The following GREB1L variants were observed in gnomAD, a reference collection of about 807,000 sequenced individuals.
GREB1L encodes the protein GREB1 like retinoic acid receptor coactivator, also known as GREB1-like protein.
In GREB1L, 17 loss-of-function variants were observed where a neutral mutation model predicts 200.8. That is an observed-to-expected ratio of 0.08 (90% CI 0.06 to 0.13). GREB1L has a LOEUF of 0.13. Among genes scored for constraint, GREB1L ranks in the 10% least tolerant of loss-of-function variants. GREB1L has a pLI of 1.00. For missense variants in GREB1L, 1,657 were observed against 2,367.7 expected (o/e 0.70, Z 6.23); for synonymous variants, 789 against 893.0 (o/e 0.88, Z 2.08).
At chr18:21,485,008 C>CTTCTTGAGAAGGATAAGCA (rs2036074425) in intron 17 of GREB1L, among the ~76,000 whole-genome samples, 2 of 152,136 alleles carry the variant, frequency 1.3e-5, no homozygotes, top group Non-Finnish European at 2.9e-5. Context: ...CAACTTGTCA[C>CTTCTTGAGAAGGATAAGCA]ACTTCTCAAG....
intron 1 of GREB1L, among the ~76,000 whole-genome samples, chr18:21,339,518 G>A (rs2039237157): frequency 6.6e-6 from 1 of 152,282 alleles, no homozygotes; most frequent in Middle Eastern, 3.4e-3. Context: ...AGCCTGAAAA[G>A]CATATGATAG....
At chr18:21,340,964 C>T (rs2039261568) in intron 1 of GREB1L, among the ~76,000 whole-genome samples, 1 of 152,198 alleles carries the variant, frequency 6.6e-6, no homozygotes, top group African/African-American at 2.4e-5. Context: ...CTAATACATG[C>T]AACGTACTTC....
In GREB1L at chr18:21,500,615, G is replaced by C; in HGVS notation, c.4045G>C (p.Val1349Leu). 3 of 1,550,826 alleles carry C rather than the reference G, an allele frequency of 1.9e-6. No homozygotes were observed. The highest frequency in any genetic ancestry group is 2.6e-6 in the Non-Finnish European group (3 of 1,146,692). ...RMLIRLLEVD[V>L]YDEEEINTDH... ...GCTCATCAGGCTCCTGGAGGTGGACGTGTATGATGAGGAGGAGATCAACAC... is the reference window on the plus strand; with the variant it reads ...GCTCATCAGGCTCCTGGAGGTGGACCTGTATGATGAGGAGGAGATCAACAC... The change falls in exon 23 of 33, where the codon GTG becomes CTG. Residue 1349 changes from valine (V) to leucine (L), a missense_variant. This residue lies in a region of GREB1L where 512 missense variants were observed against 668.3 expected (regional missense o/e 0.77). Transcript: ENST00000424526.
intron 7 of GREB1L, among the ~76,000 whole-genome samples, chr18:21,423,025 G>T (rs1272379875): frequency 1.3e-5 from 2 of 152,056 alleles, no homozygotes; most frequent in African/African-American, 4.8e-5. Flanking sequence ...CCACCTCCTG[G>T]GTTCAAGCAA....
intron 1 of GREB1L, among the ~76,000 whole-genome samples, chr18:21,257,027 A>G (rs2037809926): frequency 6.8e-6 from 1 of 146,192 alleles, no homozygotes; most frequent in South Asian, 2.2e-4. Flanking sequence ...AAAAAAAAAG[A>G]CTCTCAGGAA....
chr18:21,408,423 C>T (rs1019375472), intron 7 of GREB1L, among the ~76,000 whole-genome samples: 5 of 152,142 alleles, frequency 3.3e-5, no homozygotes, highest in African/African-American at 7.2e-5. Context: ...ATAGACATTT[C>T]TTCAAATAAT....
chr18:21,296,365 T>A (rs2038527480), intron 1 of GREB1L, among the ~76,000 whole-genome samples: 1 of 152,084 alleles, frequency 6.6e-6, no homozygotes, highest in Non-Finnish European at 1.5e-5. Flanking sequence ...CATTTATAAA[T>A]GGGAGGTGGA....
At chr18:21,376,454 A>T (rs937616908) in intron 2 of GREB1L, among the ~76,000 whole-genome samples, 1 of 151,382 alleles carries the variant, frequency 6.6e-6, no homozygotes, top group Admixed American at 6.6e-5. Flanking sequence ...AAAAACAAAG[A>T]ACTGAGGGGC....
At chr18:21,252,501 G>A (rs1387091048) in intron 1 of GREB1L, among the ~76,000 whole-genome samples, 2 of 149,354 alleles carry the variant, frequency 1.3e-5, no homozygotes, top group African/African-American at 5.0e-5. Flanking sequence ...AGGTTGCGGT[G>A]AGCCGAGATC....
chr18:21,341,659 C>T (rs2039271957), intron 1 of GREB1L, among the ~76,000 whole-genome samples: 2 of 152,258 alleles, frequency 1.3e-5, no homozygotes, highest in African/African-American at 4.8e-5. Context: ...AGGTGTGAGC[C>T]ACCACACCTG....
At chr18:21,462,875 T>G (rs2035102993) in intron 15 of GREB1L, among the ~76,000 whole-genome samples, 2 of 152,314 alleles carry the variant, frequency 1.3e-5, no homozygotes, top group South Asian at 4.1e-4. Flanking sequence ...AACTTAAAAT[T>G]TAATACAAAC....
intron 23 of GREB1L, among the ~76,000 whole-genome samples, chr18:21,503,974 C>T (rs2036910083): frequency 6.6e-6 from 1 of 152,068 alleles, no homozygotes; most frequent in Non-Finnish European, 1.5e-5. Flanking sequence ...TAGACTCTTA[C>T]TCTGTCACAC....
chr18:21,491,216 T>G (rs2036320909), intron 19 of GREB1L, among the ~76,000 whole-genome samples: 1 of 152,216 alleles, frequency 6.6e-6, no homozygotes, highest in African/African-American at 2.4e-5. Context: ...CCAACTTGTT[T>G]CTGCGCCCTA....
At position 21,493,912 on chromosome 18, in the gene GREB1L, A is replaced by G. The variant is rs545430262; in HGVS notation, c.3031-1758A>G. On this transcript the variant is annotated intron_variant, in intron 19 of 32. Coordinates refer to ENST00000424526, the MANE Select transcript of GREB1L (RefSeq NM_001142966.3). ...AAAAAAAGTCCTCATACAGTAAAAC[A>G]TTTTAACTCTTATTCCATCAATATA... Among the ~76,000 whole-genome samples the G allele has an allele frequency of 2.1e-3, 312 of 150,912 alleles. 3 individuals are homozygous for G. The highest frequency in any genetic ancestry group is 2.8e-3 in the Non-Finnish European group (188 of 67,782).
chr18:21,485,694 G>A lies in GREB1L; in HGVS notation c.2631G>A (p.Thr877=), dbSNP rs960820295. 3.7e-5 allele frequency: 58 copies of A among 1,551,266 alleles called. No homozygotes were observed. The highest frequency in any genetic ancestry group is 2.5e-4 in the South Asian group (21 of 84,048). ...EYSKSLQWGI[T]SPLLRCDETF... is the part of the protein sequence containing the mutation. ...GCAAGTCTCTGCAGTGGGGGATCAC[G>A]AGCCCACTTCTGAGATGTGACGAGA... Residue 877 remains threonine (T), a synonymous_variant, in exon 18 of 33, where the codon ACG becomes ACA. Coordinates refer to ENST00000424526, the MANE Select transcript of GREB1L (RefSeq NM_001142966.3).
chr18:21,490,450 A>G, intron 19 of GREB1L, 99 bp downstream of exon 19: 1 of 923,110 alleles, frequency 1.1e-6, no homozygotes, highest in Non-Finnish European at 1.6e-6. Flanking sequence ...TAATAGAATC[A>G]CATGTGTGAT....
rs538624296 is a variant in GREB1L at position 21,470,078 on chromosome 18, G to A, written c.2183-2953G>A. 2.6e-5 allele frequency among the ~76,000 whole-genome samples: 4 copies of A among 152,078 alleles called. No individual in the cohort carries two copies. The South Asian group carries it at 8.3e-4, about 32-fold the overall frequency. ...AGCTGGAGGACTGCTTGAGGCCAGG[G>A]GTTTGAGACCAGCGTGGGCAACATA... On this transcript the variant is annotated intron_variant, in intron 15 of 32. Coordinates refer to ENST00000424526, the MANE Select transcript of GREB1L (RefSeq NM_001142966.3).
intron 1 of GREB1L, among the ~76,000 whole-genome samples, chr18:21,337,053 A>T (rs1598670117): frequency 6.6e-6 from 1 of 152,338 alleles, no homozygotes; most frequent in Middle Eastern, 3.4e-3. Flanking sequence ...CACAGACTTG[A>T]TATCTCTTAT....
chr18:21,465,570 T>C (rs1797575899), intron 15 of GREB1L, among the ~76,000 whole-genome samples: 1 of 152,160 alleles, frequency 6.6e-6, no homozygotes, highest in Admixed American at 6.5e-5. Context: ...TATTAACAAC[T>C]GATTAATCTA....
Sources: allele counts gnomAD v4.1 joint callset (sites outside exome capture counted in the v4.1 genomes callset), GRCh38; gene constraint gnomAD v4.1.1; regional missense constraint gnomAD v4.1.1; transcripts MANE v1.5; gene names NCBI Gene and HGNC (gene_info 2026-07-23, HGNC 2026-07-21).